Variants in EXOC2 observed in about 807,000 individuals in gnomAD.
The protein encoded by EXOC2 is SEC5-like 1.
A neutral mutation model predicts 131.8 loss-of-function variants in EXOC2; 70 were observed. The observed-to-expected ratio is 0.53, with a 90% CI of 0.44 to 0.65. The LOEUF is 0.65. Ranked by LOEUF, EXOC2 falls within the 30% of genes least tolerant of loss-of-function variation. The probability of loss-of-function intolerance (pLI) is 0.00; values close to 1 mark genes in which losing one functional copy is unlikely to be tolerated. For synonymous variants in EXOC2, 411 were observed against 398.4 expected (o/e 1.03, Z -0.38); for missense variants, 923 against 1,108.6 (o/e 0.83, Z 2.38).
chr6:553,145 T>C lies in EXOC2; in HGVS notation c.2121+709A>G, dbSNP rs576492071. On this transcript the variant is annotated intron_variant, in intron 21 of 27. Transcript: ENST00000230449. Reference sequence around the variant, plus strand: ...GTTGGCCAGGCTGGTCTGGAATTCCTGATCTCAAGTGATCCACTTGCCTCG... The same window carrying C: ...GTTGGCCAGGCTGGTCTGGAATTCCCGATCTCAAGTGATCCACTTGCCTCG... 3.9e-5 allele frequency among the ~76,000 whole-genome samples: 6 copies of C among 152,322 alleles called. 1 individual carries two copies. In the South Asian group the frequency reaches 1.2e-3, roughly 32 times the overall value.
intron 22 of EXOC2, among the ~76,000 whole-genome samples, chr6:542,641 C>A (rs1166013765): frequency 6.6e-6 from 1 of 152,200 alleles, no homozygotes; most frequent in Non-Finnish European, 1.5e-5. Context: ...CAGTCATTAA[C>A]CATCACCTCA....
intron 1 of EXOC2, among the ~76,000 whole-genome samples, chr6:663,655 T>C (rs770134041): frequency 6.6e-6 from 1 of 152,148 alleles, no homozygotes; most frequent in Non-Finnish European, 1.5e-5. Context: ...ATAAATATGA[T>C]ACACCACATA....
intron 1 of EXOC2, among the ~76,000 whole-genome samples, chr6:655,757 G>A (rs1483753654): frequency 6.6e-6 from 1 of 152,018 alleles, no homozygotes; most frequent in South Asian, 2.1e-4. Context: ...GAACTTTCCC[G>A]CTTTACACAG....
At chr6:648,683 C>G (rs919767709) in intron 1 of EXOC2, among the ~76,000 whole-genome samples, 1 of 150,820 alleles carries the variant, frequency 6.6e-6, no homozygotes, top group Non-Finnish European at 1.5e-5. Flanking sequence ...ATAAGCCTAT[C>G]CTAAAAGCAC....
At chr6:559,735 G>A (rs940665137) in intron 17 of EXOC2, among the ~76,000 whole-genome samples, 1 of 152,304 alleles carries the variant, frequency 6.6e-6, no homozygotes. Context: ...TCAGGCAAAC[G>A]AGGTCTGGAG....
chr6:568,363 C>T (rs1758089111), intron 13 of EXOC2, among the ~76,000 whole-genome samples: 3 of 152,318 alleles, frequency 2.0e-5, no homozygotes, highest in South Asian at 4.1e-4. Flanking sequence ...GCTTTATGTG[C>T]CTTCATAGTT....
At chr6:547,208 C>T (rs1271705370) in intron 22 of EXOC2, among the ~76,000 whole-genome samples, 2 of 152,210 alleles carry the variant, frequency 1.3e-5, no homozygotes, top group African/African-American at 4.8e-5. Flanking sequence ...ATTTATTTGT[C>T]TCCTGTTCCT....
intron 1 of EXOC2, among the ~76,000 whole-genome samples, chr6:649,971 AATGTAAGACTTT>A (rs1417538805): frequency 6.6e-6 from 1 of 152,162 alleles, no homozygotes; most frequent in Non-Finnish European, 1.5e-5. Flanking sequence ...GACTTTTTTT[AATGTAAGACTTT>A]ATTTTCATTG....
rs141806511 is a variant in EXOC2 at position 686,719 on chromosome 6, C to T, written c.-44+6300G>A. ...TTTATTCCCCCAGGAACCATAAAGC[C>T]CTCTGCCTTAGCATGCCATGTCTCC... On this transcript the variant is annotated intron_variant, in intron 1 of 27. Coordinates refer to ENST00000230449, the MANE Select transcript of EXOC2 (RefSeq NM_018303.6). Among the ~76,000 whole-genome samples the T allele has an allele frequency of 4.4e-3, 665 of 152,254 alleles. 5 individuals are homozygous for T. The highest frequency in any genetic ancestry group is 0.015 in the African/African-American group (624 of 41,534).
At chr6:635,814 G>A (rs1247118379) in intron 2 of EXOC2, among the ~76,000 whole-genome samples, 1 of 152,288 alleles carries the variant, frequency 6.6e-6, no homozygotes, top group Admixed American at 6.5e-5. Context: ...TGTAATGCCA[G>A]CACTTTGGGA....
chr6:672,040 T>C (rs1415932472), intron 1 of EXOC2, among the ~76,000 whole-genome samples: 1 of 152,218 alleles, frequency 6.6e-6, no homozygotes, highest in African/African-American at 2.4e-5. Flanking sequence ...GTTATTTTTT[T>C]CCTTCCCCTT....
At chr6:672,556 T>C (rs1290003865) in intron 1 of EXOC2, among the ~76,000 whole-genome samples, 1 of 152,232 alleles carries the variant, frequency 6.6e-6, no homozygotes, top group African/African-American at 2.4e-5. Flanking sequence ...GAAACTTCCA[T>C]TCCTAGGCTT....
At chr6:567,725 A>G (rs1415337903) in intron 13 of EXOC2, among the ~76,000 whole-genome samples, 1 of 152,156 alleles carries the variant, frequency 6.6e-6, no homozygotes, top group African/African-American at 2.4e-5. Context: ...TTACGTGTGC[A>G]TGCATGCATG....
At chr6:576,229 T>C (rs1335125887) in intron 12 of EXOC2, among the ~76,000 whole-genome samples, 3 of 152,184 alleles carry the variant, frequency 2.0e-5, no homozygotes, top group Non-Finnish European at 4.4e-5. Context: ...GTCGATCATG[T>C]TGTATCTCAA....
intron 1 of EXOC2, among the ~76,000 whole-genome samples, chr6:666,043 T>G (rs1936431489): frequency 6.6e-6 from 1 of 152,244 alleles, no homozygotes; most frequent in Non-Finnish European, 1.5e-5. Flanking sequence ...TTTGATTCCA[T>G]GTCATCTAAG....
chr6:502,064 C>T (rs1487203581), intron 23 of EXOC2, among the ~76,000 whole-genome samples: 1 of 152,132 alleles, frequency 6.6e-6, no homozygotes, highest in Admixed American at 6.5e-5. Flanking sequence ...TCTGGGCAGC[C>T]CCACCCAGGG....
intron 4 of EXOC2, among the ~76,000 whole-genome samples, chr6:627,257 A>G (rs1170327133): frequency 2.0e-5 from 3 of 151,822 alleles, no homozygotes; most frequent in Non-Finnish European, 4.4e-5. Flanking sequence ...AAAAAAAAAA[A>G]AAAAAAAGAA....
At chr6:628,992 T>C (rs1048079724) in intron 4 of EXOC2, among the ~76,000 whole-genome samples, 10 of 152,130 alleles carry the variant, frequency 6.6e-5, no homozygotes, top group Non-Finnish European at 1.5e-4. Flanking sequence ...AAGACAAACA[T>C]GCTACTTCCC....
intron 11 of EXOC2, among the ~76,000 whole-genome samples, chr6:578,332 C>A (rs1220879280): frequency 6.6e-6 from 1 of 152,162 alleles, no homozygotes; most frequent in Non-Finnish European, 1.5e-5. Context: ...TGAGGAATTG[C>A]AGGCCCGGGG....
Sources: allele counts gnomAD v4.1 joint callset (sites outside exome capture counted in the v4.1 genomes callset), GRCh38; gene constraint gnomAD v4.1.1; transcripts MANE v1.5; gene names NCBI Gene and HGNC (gene_info 2026-07-23, HGNC 2026-07-21).